SSH1: variants seen among roughly 807,000 people sequenced by gnomAD.
SSH1 encodes the protein protein phosphatase Slingshot homolog 1.
Under a neutral mutation model 79.7 loss-of-function variants are expected in SSH1, and 43 were observed. That is an observed-to-expected ratio of 0.54 (90% CI 0.42 to 0.70). The LOEUF (loss-of-function observed/expected upper bound fraction) is 0.70, where lower values mean the gene tolerates loss of function less well. Ranked by LOEUF, SSH1 falls within the 30% of genes least tolerant of loss-of-function variation. The pLI, the probability that SSH1 is intolerant of heterozygous loss-of-function variation, is 0.00. For missense variants in SSH1, 1,206 were observed against 1,358.8 expected (o/e 0.89, Z 1.77); for synonymous variants, 599 against 538.3 (o/e 1.11, Z -1.56).
intron 10 of SSH1, among the ~76,000 whole-genome samples, chr12:108,802,686 G>A (rs1037712636): frequency 1.3e-5 from 2 of 152,154 alleles, no homozygotes; most frequent in Non-Finnish European, 2.9e-5. Context: ...CCAGTGGGGG[G>A]GGGTCCTGTA....
At position 108,817,117 on chromosome 12, in the gene SSH1, TGTACCG is replaced by T; in HGVS notation, c.316_321del (p.Arg106_Tyr107del). The stretch of plus-strand genomic sequence containing the variant: ...CGCCCGCTGCTGTACACCACCACCA[TGTACCG>T]GACCCGGTCCGCCCAGGCGCTCTCC... On this transcript the variant is annotated inframe_deletion, in exon 5 of 15. Transcript: ENST00000326495. 6.2e-7 allele frequency: 1 copy of T among 1,614,188 alleles called. No homozygotes were observed. The highest frequency in any genetic ancestry group is 8.5e-7 in the Non-Finnish European group (1 of 1,180,020).
intron 5 of SSH1, chr12:108,811,760 C>G: frequency 3.8e-6 from 1 of 263,792 alleles, no homozygotes; most frequent in Non-Finnish European, 7.6e-6. Context: ...TTTAGTGTGG[C>G]TGCGGTTTTA....
intron 2 of SSH1, among the ~76,000 whole-genome samples, chr12:108,829,036 G>A (rs1233925426): frequency 6.6e-6 from 1 of 152,174 alleles, no homozygotes; most frequent in African/African-American, 2.4e-5. Flanking sequence ...TAAGGTTTAA[G>A]AAAAGTAAAA....
At chr12:108,837,625 C>T (rs868504323) in intron 2 of SSH1, among the ~76,000 whole-genome samples, 19 of 152,234 alleles carry the variant, frequency 1.2e-4, no homozygotes, top group African/African-American at 2.9e-4. Context: ...AATTTTTTAT[C>T]GACGTAGTAT....
chr12:108,810,981 G>A (rs957926660), intron 6 of SSH1, among the ~76,000 whole-genome samples: 1 of 152,200 alleles, frequency 6.6e-6, no homozygotes, highest in African/African-American at 2.4e-5. Context: ...TCGAGGTGGC[G>A]GATGGGTATC....
rs2036182520 is a variant in SSH1, at chr12:108,783,370, T to A, written c.*4618A>T. On this transcript the variant is annotated 3_prime_UTR_variant, in exon 15 of 15. Transcript: ENST00000326495. ...ACTGACAAGACCAAGTATCCAATCA[T>A]AACAGATGAGACTTTAACAGTTTTG... is the stretch of plus-strand genomic sequence containing the variant. The A allele has an allele frequency of 6.6e-6, 1 of 152,264 alleles. No homozygotes were observed. The highest frequency in any genetic ancestry group is 1.5e-5 in the Non-Finnish European group (1 of 68,054). 9.4% of individuals were successfully genotyped at this position (152,264 alleles called of 1,614,324 possible).
chr12:108,791,325 G>C (rs193185264), intron 14 of SSH1, among the ~76,000 whole-genome samples: 12 of 152,150 alleles, frequency 7.9e-5, no homozygotes, highest in African/African-American at 1.2e-4. Flanking sequence ...GGTCAGGATA[G>C]TTTCCATCTC....
intron 2 of SSH1, among the ~76,000 whole-genome samples, chr12:108,845,295 C>T (rs996030384): frequency 4.6e-5 from 7 of 152,166 alleles, no homozygotes; most frequent in Non-Finnish European, 7.4e-5. Context: ...AGACCTCAGC[C>T]CCGGCCAGCA....
At chr12:108,796,138 A>G (rs1281867278) in intron 13 of SSH1, among the ~76,000 whole-genome samples, 1 of 151,764 alleles carries the variant, frequency 6.6e-6, no homozygotes, top group Non-Finnish European at 1.5e-5. Context: ...CTGGTCTCGA[A>G]CTCCTGACCT....
At chr12:108,838,990 TAC>T (rs1186836765) in intron 2 of SSH1, among the ~76,000 whole-genome samples, 2 of 152,228 alleles carry the variant, frequency 1.3e-5, no homozygotes, top group African/African-American at 4.8e-5. Flanking sequence ...TCACTAATGT[TAC>T]ATTCTATTGT....
chr12:108,788,685 T>A lies in SSH1; in HGVS notation c.2453A>T (p.Lys818Met). 1 of 1,614,210 alleles carries A rather than the reference T, an allele frequency of 6.2e-7. No homozygotes were observed. The highest frequency in any genetic ancestry group is 8.5e-7 in the Non-Finnish European group (1 of 1,180,040). The stretch of plus-strand genomic sequence containing the variant: ...GGTGTGCTTGCGGACCAAGCCTGCC[T>A]TCTGCAGCTGAATGATGGACTCCTG... ...QHQESIIQLQ[K>M]AGLVRKHTKE... The change falls in exon 15 of 15, where the codon AAG (lysine) becomes ATG (methionine). Residue 818 changes from lysine to methionine, a missense_variant. Physicochemically the swap from Lys to Met is moderately conservative, Grantham distance 95. Coordinates refer to ENST00000326495, the MANE Select transcript of SSH1 (RefSeq NM_018984.4).
rs956971450 is a variant in SSH1 at position 108,781,245 on chromosome 12, CCT to C, written c.*6741_*6742del. The C allele has an allele frequency of 6.6e-6, 1 of 151,636 alleles. No homozygotes were observed. Among genetic ancestry groups the C allele is most frequent in the African/African-American group, 2.4e-5 (1 of 41,240 alleles). 9.4% of individuals were successfully genotyped at this position (151,636 alleles called of 1,614,324 possible). On this transcript the variant is annotated 3_prime_UTR_variant, in exon 15 of 15. Coordinates refer to ENST00000326495, the MANE Select transcript of SSH1 (RefSeq NM_018984.4). The stretch of plus-strand genomic sequence containing the variant: ...ACCAGTCTGGGCAACATAGTGAGAC[CCT>C]ATCTTTTAAATAAATAAATAAATAA...
chr12:108,857,379 G>C lies in SSH1; in HGVS notation c.69+49C>G. The C allele has an allele frequency of 1.0e-6, 1 of 974,320 alleles. No individual in the cohort carries two copies. The highest frequency in any genetic ancestry group is 1.2e-6 in the Non-Finnish European group (1 of 821,206). The allele number at this position is 974,320 out of a possible 1,614,324, so 60.4% of individuals were successfully genotyped here. On this transcript the variant is annotated intron_variant, in intron 1 of 14. Transcript: ENST00000326495. The surrounding 1 kb of genome is among the most constrained non-coding windows in gnomAD (Gnocchi z 4.7). ...GCGCGGCCCCAGCTCCGGCGGCCTC[G>C]GCGCGGCGTCCGGCGGCCCAGGCCG...
rs1323748491 is a variant in SSH1, at chr12:108,788,972, C to A, written c.2166G>T (p.Arg722Ser). 2.5e-6 allele frequency: 4 copies of A among 1,612,120 alleles called. No individual in the cohort carries two copies. Among genetic ancestry groups the A allele is most frequent in the Non-Finnish European group, 3.4e-6 (4 of 1,178,780 alleles). The change falls in exon 15 of 15, where the codon AGG (arginine) becomes AGT (serine). Residue 722 changes from arginine to serine, a missense_variant. Arg to Ser is a moderately radical substitution (Grantham distance 110). Around this residue, in one of 5 missense-constraint regions of SSH1, gnomAD observed 709 missense variants for 730.6 expected, o/e 0.97. Transcript: ENST00000326495. The stretch of plus-strand genomic sequence containing the variant: ...CAGCCCCAGGGCCACTGGTGTCTGC[C>A]CTCCTGGAGCCTGCTGGTGGTAGGA... ...PPFLPPAGSR[R>S]ADTSGPGAGA...
chr12:108,822,760 AAACT>A (rs1443777239), intron 3 of SSH1, among the ~76,000 whole-genome samples: 1 of 152,232 alleles, frequency 6.6e-6, no homozygotes, highest in East Asian at 1.9e-4. Context: ...TCCTAAAAAC[AAACT>A]ATTACAGAAT....
chr12:108,835,908 TAATTATAACTATATTAATATAATC>T lies in SSH1; in HGVS notation c.111-12571_111-12548del, dbSNP rs1566012826. Among the ~76,000 whole-genome samples the T allele has an allele frequency of 2.6e-3, 171 of 66,594 alleles. 2 individuals carry two copies. The highest frequency in any genetic ancestry group is 5.9e-3 in the African/African-American group (108 of 18,430). The allele number at this position is 66,594 out of a possible 152,430, so 43.7% of individuals were successfully genotyped here. A position where few individuals can be genotyped will look rare whatever the true frequency, so the allele number is the denominator to read the frequency against. On this transcript the variant is annotated intron_variant, in intron 2 of 14. Coordinates refer to ENST00000326495, the MANE Select transcript of SSH1 (RefSeq NM_018984.4). Reference sequence around the variant, plus strand: ...TTAATTATAACTATATTAATATAATTAATTATAACTATATTAATATAATCAATTATAACTATATTAATATAATCG... The same window carrying T: ...TTAATTATAACTATATTAATATAATTAATTATAACTATATTAATATAATCG...
At chr12:108,826,162 C>T (rs1033701649) in intron 2 of SSH1, 2 of 455,260 alleles carry the variant, frequency 4.4e-6, no homozygotes, top group African/African-American at 4.0e-5. Context: ...GCCTTGGAAA[C>T]CATGAGCAAA....
intron 5 of SSH1, among the ~76,000 whole-genome samples, chr12:108,812,793 G>A (rs2037680422): frequency 6.6e-6 from 1 of 152,006 alleles, no homozygotes; most frequent in Non-Finnish European, 1.5e-5. Context: ...TGAGTTTCCA[G>A]CAGTCCTACA....
intron 14 of SSH1, among the ~76,000 whole-genome samples, chr12:108,789,780 C>T (rs1338449577): frequency 6.6e-6 from 1 of 152,092 alleles, no homozygotes; most frequent in African/African-American, 2.4e-5. Flanking sequence ...AGGAGGGCAC[C>T]CCCCTACCCC....
Sources: allele counts gnomAD v4.1 joint callset (sites outside exome capture counted in the v4.1 genomes callset), GRCh38; gene constraint gnomAD v4.1.1; regional missense constraint gnomAD v4.1.1; non-coding constraint Gnocchi (gnomAD v3.1); transcripts MANE v1.5; gene names NCBI Gene and HGNC (gene_info 2026-07-23, HGNC 2026-07-21).